Variants in PKP3 observed in about 807,000 individuals in gnomAD.
PKP3 encodes plakophilin-3.
PKP3 carries 66 observed loss-of-function variants against 76.5 expected under a neutral mutation model. The ratio of observed to expected loss-of-function variants is 0.86; its 90% CI spans 0.71 to 1.06. The LOEUF (loss-of-function observed/expected upper bound fraction) is 1.06. PKP3 is among the 50% of genes least tolerant of loss of function. The pLI is 0.00. For missense variants in PKP3, 1,338 were observed against 1,141.0 expected (o/e 1.17, Z -2.49); for synonymous variants, 638 against 516.5 (o/e 1.24, Z -3.19).
chr11:393,215 G>GC (rs1846998145), upstream of PKP3, among the ~76,000 whole-genome samples: 1 of 151,622 alleles, frequency 6.6e-6, no homozygotes, highest in African/African-American at 2.4e-5. Flanking sequence ...TTGGTCCAGG[G>GC]CCCCCCCACC....
intron 1 of PKP3, among the ~76,000 whole-genome samples, chr11:395,091 A>C (rs1006688421): frequency 6.6e-6 from 1 of 151,856 alleles, no homozygotes; most frequent in Non-Finnish European, 1.5e-5. Context: ...GTGGAGGAGC[A>C]CCCCTCGGTG....
chr11:403,334 G>C, intron 9 of PKP3, 71 bp downstream of exon 9: 1 of 1,202,804 alleles, frequency 8.3e-7, no homozygotes, highest in East Asian at 2.6e-5. Context: ...AGAGGAGGGA[G>C]AGGGAGGGGA....
rs1353416487 is a variant in PKP3 at position 399,188 on chromosome 11, A to T, written c.1265A>T (p.Asn422Ile). The T allele has an allele frequency of 1.3e-6, 2 of 1,588,308 alleles. No individual in the cohort carries two copies. Among genetic ancestry groups the T allele is most frequent in the Admixed American group, 3.5e-5 (2 of 57,116 alleles). ...GAGCAGGATGATGAGCTTCGCAAAA[A>T]TGTCACAGGTGCTGCCTGTCCCCTC... is the stretch of plus-strand genomic sequence containing the variant. ...LREQDDELRK[N>I]VTGILWNLSS... Residue 422 changes from asparagine to isoleucine, a missense_variant, in exon 5 of 13, where the codon AAT (asparagine) becomes ATT (isoleucine). Coordinates refer to ENST00000331563, the MANE Select transcript of PKP3 (RefSeq NM_007183.4).
At position 400,326 on chromosome 11, in the gene PKP3, G is replaced by A; in HGVS notation, c.1449-8G>A. 1.3e-6 allele frequency: 2 copies of A among 1,544,990 alleles called. No individual in the cohort carries two copies. The highest frequency in any genetic ancestry group is 1.7e-6 in the Non-Finnish European group (2 of 1,143,204). ...CCCTGGGGGGCTCTGATCCACCTCG[G>A]TCCCCAGGAACCTCAGCTCAGCCTC... On this transcript the variant is annotated splice_polypyrimidine_tract_variant and splice_region_variant and intron_variant, in intron 6 of 12. Transcript: ENST00000331563.
In PKP3 at chr11:404,400, C is replaced by T. The variant is rs773221874; in HGVS notation, c.2358+77C>T. 2.7e-6 allele frequency: 4 copies of T among 1,469,464 alleles called. No individual in the cohort carries two copies. The Admixed American group carries it at 5.0e-5, about 18-fold the overall frequency. The allele number at this position is 1,469,464 out of a possible 1,614,324, so 91.0% of individuals were successfully genotyped here. Reference sequence around the variant, plus strand: ...CGCCGGGGGAGGGTCAGTGAAGAGGCCCATGGGAGGATGGAGACCAGGGAC... The same window carrying T: ...CGCCGGGGGAGGGTCAGTGAAGAGGTCCATGGGAGGATGGAGACCAGGGAC... On this transcript the variant is annotated intron_variant, in intron 12 of 12. Coordinates refer to ENST00000331563, the MANE Select transcript of PKP3 (RefSeq NM_007183.4). This position sits in a 1 kb window ranked among gnomAD's most constrained non-coding sequence, Gnocchi z 4.2.
chr11:393,883 C>T (rs564662836), upstream of PKP3, among the ~76,000 whole-genome samples: 1 of 152,180 alleles, frequency 6.6e-6, no homozygotes, highest in Non-Finnish European at 1.5e-5. Context: ...CCCCCGCAGG[C>T]CCCCTGCCCT....
At chr11:403,574 G>A (rs1368946605) in intron 9 of PKP3, 44 bp from the exon 10 acceptor site, 16 of 1,582,738 alleles carry the variant, frequency 1.0e-5, no homozygotes, top group Non-Finnish European at 1.3e-5. Context: ...TCAGGTGAGG[G>A]TCTGAGGCCT....
rs978950131 is a variant in PKP3, at chr11:394,395, G to A, written c.103G>A (p.Gly35Arg). 2 of 1,488,604 alleles carry A rather than the reference G, an allele frequency of 1.3e-6. No homozygotes were observed. Among genetic ancestry groups the A allele is most frequent in the East Asian group, 2.8e-5 (1 of 36,206 alleles). 92.2% of individuals were successfully genotyped at this position (1,488,604 alleles called of 1,614,324 possible). Reference protein sequence around the residue: ...DLQLDRRGAEGPEAERLRAAR... With the variant: ...DLQLDRRGAERPEAERLRAAR... Reference sequence around the variant, plus strand: ...GCAGCTGGACCGCCGGGGCGCCGAGGGGCCGGAGGCCGAGCGGCTGCGGGC... The same window carrying A: ...GCAGCTGGACCGCCGGGGCGCCGAGAGGCCGGAGGCCGAGCGGCTGCGGGC... The change falls in exon 1 of 13, where the codon GGG becomes AGG. Residue 35 changes from glycine (G) to arginine (R), a missense_variant. Physicochemically the swap from Gly to Arg is moderately radical, Grantham distance 125 (BLOSUM62 -2). Coordinates refer to ENST00000331563, the MANE Select transcript of PKP3 (RefSeq NM_007183.4).
At chr11:400,192 G>A (rs1847127863) in intron 6 of PKP3, 51 bp downstream of exon 6, 2 of 1,460,258 alleles carry the variant, frequency 1.4e-6, no homozygotes, top group Non-Finnish European at 1.8e-6. Context: ...GGGTCACTGT[G>A]GGGACTCCGC....
rs1847011962 is a variant in PKP3, at chr11:394,219, C to G, written c.-74C>G. The stretch of plus-strand genomic sequence containing the variant: ...CTGGGCGGGGACTTCAGGGAGAGGG[C>G]CTCGAGGGACAGGACGTGAAGATAG... On this transcript the variant is annotated 5_prime_UTR_variant, in exon 1 of 13. Transcript: ENST00000331563. 1.0e-5 allele frequency: 14 copies of G among 1,405,644 alleles called. No homozygotes were observed. The highest frequency in any genetic ancestry group is 1.3e-5 in the Non-Finnish European group (14 of 1,084,028). 87.1% of individuals were successfully genotyped at this position (1,405,644 alleles called of 1,614,324 possible). A position where few individuals can be genotyped will look rare whatever the true frequency, so the allele number is the denominator to read the frequency against.
Position 403,699 on chromosome 11 carries a change from C to G in PKP3, c.2005C>G (p.His669Asp). Residue 669 changes from histidine to aspartate, a missense_variant, in exon 10 of 13, where the codon CAC becomes GAC. Coordinates refer to ENST00000331563, the MANE Select transcript of PKP3 (RefSeq NM_007183.4). ...PLLDRVRTAD[H>D]HQLRSLTGLI... ...GCTAGACCGTGTCAGGACCGCCGAC[C>G]ACCACCAGCTGCGCTCACTGACTGG... 6.2e-7 allele frequency: 1 copy of G among 1,610,434 alleles called. No individual in the cohort carries two copies. Among genetic ancestry groups the G allele is most frequent in the Non-Finnish European group, 8.5e-7 (1 of 1,179,796 alleles).
In PKP3 at chr11:399,022, GT is replaced by G; in HGVS notation, c.1100del (p.Val367GlyfsTer70). 1 of 1,601,074 alleles carries G rather than the reference GT, an allele frequency of 6.2e-7. No individual in the cohort carries two copies. Among genetic ancestry groups the G allele is most frequent in the Non-Finnish European group, 8.5e-7 (1 of 1,171,836 alleles). On this transcript the variant is annotated frameshift_variant, in exon 5 of 13. Transcript: ENST00000331563. LOFTEE classifies it high-confidence loss of function. ...CAGCCTTCAGGCCGTGCCTAGGCTGGTGAAGCTCTTCAACCACGCCAACCAG... is the reference window on the plus strand; with the variant it reads ...CAGCCTTCAGGCCGTGCCTAGGCTGGGAAGCTCTTCAACCACGCCAACCAG... The part of the protein sequence containing the change: ...ARSLQAVPRL[V>X]KLFNHANQEV...
rs1231923798 is a variant in PKP3 at position 397,611 on chromosome 11, A to T, written c.1017A>T (p.Gly339=). 1 of 1,612,018 alleles carries T rather than the reference A, an allele frequency of 6.2e-7. No individual in the cohort carries two copies. Among genetic ancestry groups the T allele is most frequent in the East Asian group, 2.2e-5 (1 of 44,884 alleles). The change falls in exon 4 of 13, where the codon GGA becomes GGT. Residue 339 remains glycine (G), a synonymous_variant. Coordinates refer to ENST00000331563, the MANE Select transcript of PKP3 (RefSeq NM_007183.4). The part of the protein sequence containing the change: ...MASDPNLQVL[G]AAYIQHKCYS... ...CAGACCCCAACCTGCAGGTGCTGGGAGCGGCCTACATCCAGCACAAGTGCT... is the reference window on the plus strand; with the variant it reads ...CAGACCCCAACCTGCAGGTGCTGGGTGCGGCCTACATCCAGCACAAGTGCT...
chr11:394,122 A>T, upstream of PKP3: 1 of 1,043,678 alleles, frequency 9.6e-7, no homozygotes, highest in South Asian at 2.1e-5. Context: ...CCACCTGGCC[A>T]GGTGTCCCCG....
chr11:395,498 C>T (rs1333756258), intron 1 of PKP3, among the ~76,000 whole-genome samples: 2 of 152,112 alleles, frequency 1.3e-5, no homozygotes, highest in East Asian at 1.9e-4. Flanking sequence ...GGGTGGAGGA[C>T]GGTGAGGGAA....
chr11:397,507 G>A (rs767197939), intron 3 of PKP3, 32 bp from the exon 4 acceptor site: 1 of 1,611,870 alleles, frequency 6.2e-7, no homozygotes, highest in South Asian at 1.1e-5. Context: ...TGAACCCAAA[G>A]TTAGCCTGAC....
In PKP3 at chr11:397,394, A is replaced by G. The variant is rs1244340113; in HGVS notation, c.893A>G (p.His298Arg). Residue 298 changes from histidine (H) to arginine (R), a missense_variant, in exon 3 of 13, where the codon CAT becomes CGT. By Grantham distance (29) the His-to-Arg change is conservative. Transcript: ENST00000331563. ...LADSGHLPDV[H>R]GFNSYGSHRT... ...GACTCGGGCCACCTGCCGGACGTGC[A>G]TGGGTTCAACAGCTACGGTAGCCAC... The G allele has an allele frequency of 2.5e-6, 4 of 1,611,624 alleles. No homozygotes were observed. Among genetic ancestry groups the G allele is most frequent in the South Asian group, 1.1e-5 (1 of 91,024 alleles).
intron 2 of PKP3, 62 bp from the exon 3 acceptor site, chr11:396,752 T>C: frequency 6.3e-7 from 1 of 1,574,856 alleles, no homozygotes; most frequent in African/African-American, 1.3e-5. Context: ...TGGGAGGCTC[T>C]GCAGCGGGCC....
chr11:397,369 G>A lies in PKP3; in HGVS notation c.868G>A (p.Asp290Asn), dbSNP rs1159014113. The change falls in exon 3 of 13, where the codon GAC becomes AAC. Residue 290 changes from aspartate (D) to asparagine (N), a missense_variant. Coordinates refer to ENST00000331563, the MANE Select transcript of PKP3 (RefSeq NM_007183.4). ...SVRSLSLSLA[D>N]SGHLPDVHGF... is the part of the protein sequence containing the mutation. ...GCGCAGCCTCAGCCTCAGCCTGGCT[G>A]ACTCGGGCCACCTGCCGGACGTGCA... is the stretch of plus-strand genomic sequence containing the variant. The A allele has an allele frequency of 1.2e-6, 2 of 1,605,150 alleles. No homozygotes were observed. The highest frequency in any genetic ancestry group is 1.3e-5 in the African/African-American group (1 of 74,828).
Sources: gnomAD v4.1 joint callset for allele counts (sites outside exome capture counted in the v4.1 genomes callset) on GRCh38, gnomAD v4.1.1 for gene constraint, Gnocchi (gnomAD v3.1) non-coding constraint, MANE v1.5 for transcripts, NCBI Gene and HGNC (gene_info 2026-07-23, HGNC 2026-07-21) for gene names.